The following PPARG variants were observed in gnomAD, a reference collection of about 807,000 sequenced individuals.
The protein encoded by PPARG is peroxisome proliferator activated receptor gamma, also known as peroxisome proliferator-activated receptor gamma.
A neutral mutation model predicts 39.2 loss-of-function variants in PPARG; 17 were observed. The observed-to-expected ratio is 0.43, with a 90% CI of 0.30 to 0.65. The LOEUF is 0.65. Ranked by LOEUF, PPARG falls within the 30% of genes least tolerant of loss-of-function variation. The pLI, the probability that PPARG is intolerant of heterozygous loss-of-function variation, is 0.13. For synonymous variants in PPARG, 223 were observed against 215.7 expected (o/e 1.03, Z -0.30); for missense variants, 406 against 585.9 (o/e 0.69, Z 3.17).
In PPARG at chr3:12,388,052, A is replaced by C. The variant is rs537558832; in HGVS notation, c.391-4562A>C. ...GTCTTTAAAAAGCAAGAATCAAAAGAGAAGTCAAGGAATATCATAAAATAT... is the reference window on the plus strand; with the variant it reads ...GTCTTTAAAAAGCAAGAATCAAAAGCGAAGTCAAGGAATATCATAAAATAT... On this transcript the variant is annotated intron_variant, in intron 4 of 7. Coordinates refer to ENST00000651735, the MANE Select transcript of PPARG (RefSeq NM_138711.6). 2.0e-5 allele frequency among the ~76,000 whole-genome samples: 3 copies of C among 152,346 alleles called. No homozygotes were observed. In the South Asian group the frequency reaches 6.2e-4, roughly 32 times the overall value.
Position 12,324,661 on chromosome 3 carries a change from ATCTTT to A in PPARG, c.-9+12211_-9+12215del, listed in dbSNP as rs571624826. Among the ~76,000 whole-genome samples the A allele has an allele frequency of 2.8e-3, 424 of 152,272 alleles. 3 individuals carry two copies. Among genetic ancestry groups the A allele is most frequent in the African/African-American group, 9.4e-3 (392 of 41,536 alleles). ...AGCATTCTGGAATGGAGCAGCCTTG[ATCTTT>A]TCACAGATACGTCAACCATATAGCT... On this transcript the variant is annotated intron_variant, in intron 2 of 7. Coordinates refer to ENST00000651735, the MANE Select transcript of PPARG (RefSeq NM_138711.6).
chr3:12,431,140 C>T (rs2051646642), intron 7 of PPARG, among the ~76,000 whole-genome samples: 1 of 151,848 alleles, frequency 6.6e-6, no homozygotes, highest in South Asian at 2.1e-4. Context: ...ATGAGCCTGA[C>T]TGAGAAAACC....
At chr3:12,420,365 G>A (rs1170070530) in intron 7 of PPARG, among the ~76,000 whole-genome samples, 1 of 152,214 alleles carries the variant, frequency 6.6e-6, no homozygotes, top group African/African-American at 2.4e-5. Flanking sequence ...TTTCCATTCA[G>A]CTAAGCAGGA....
At chr3:12,358,840 A>G (rs2048746936) in intron 2 of PPARG, among the ~76,000 whole-genome samples, 1 of 152,250 alleles carries the variant, frequency 6.6e-6, no homozygotes, top group African/African-American at 2.4e-5. Flanking sequence ...TGCCATATAC[A>G]AAATCTCATC....
chr3:12,408,266 T>C (rs2050743555), intron 6 of PPARG, among the ~76,000 whole-genome samples: 3 of 152,216 alleles, frequency 2.0e-5, no homozygotes, highest in Non-Finnish European at 2.9e-5. Context: ...TCCCAACATA[T>C]TCACAATTGG....
intron 1 of PPARG, among the ~76,000 whole-genome samples, chr3:12,297,041 C>CT (rs1347834092): frequency 6.6e-6 from 1 of 152,104 alleles, no homozygotes; most frequent in Non-Finnish European, 1.5e-5. Context: ...TGTTTTGTAA[C>CT]TTTTGGGACT....
intron 5 of PPARG, among the ~76,000 whole-genome samples, chr3:12,394,416 A>G (rs1304742000): frequency 6.6e-6 from 1 of 152,210 alleles, no homozygotes; most frequent in East Asian, 1.9e-4. Context: ...GGCAAATATT[A>G]TTTAAACCCC....
intron 2 of PPARG, among the ~76,000 whole-genome samples, chr3:12,318,621 CA>C: frequency 6.6e-6 from 1 of 152,122 alleles, no homozygotes; most frequent in Non-Finnish European, 1.5e-5. Context: ...TTTTTATTCT[CA>C]ACTTTCTGTT....
intron 4 of PPARG, among the ~76,000 whole-genome samples, chr3:12,390,636 C>CTT (rs1382187854): frequency 0.051 from 3,516 of 68,454 alleles, 159 homozygotes; most frequent in East Asian, 0.34. Context: ...GTATTTTCTT[C>CTT]CTTTTTTTTT....
intron 2 of PPARG, among the ~76,000 whole-genome samples, chr3:12,356,873 G>T (rs907492793): frequency 2.0e-5 from 3 of 152,120 alleles, no homozygotes; most frequent in Non-Finnish European, 4.4e-5. Context: ...GTCTTGAAAT[G>T]CCTTTCCTAA....
intron 1 of PPARG, among the ~76,000 whole-genome samples, chr3:12,295,116 A>T (rs1384369907): frequency 1.3e-5 from 2 of 152,136 alleles, no homozygotes; most frequent in African/African-American, 4.8e-5. Context: ...TTTTTTACAA[A>T]GTCTTGCTAA....
chr3:12,433,761 A>G, intron 7 of PPARG, 137 bp from the exon 8 acceptor site: 2 of 1,210,236 alleles, frequency 1.7e-6, no homozygotes, highest in African/African-American at 1.5e-5. Context: ...CTTCCTCCCC[A>G]CCTATTTAAG....
In PPARG at chr3:12,381,417, G is replaced by A. The variant is rs1256582642; in HGVS notation, c.316G>A (p.Ala106Thr). The stretch of plus-strand genomic sequence containing the variant: ...TGAAGAGCCTTCCAACTCCCTCATG[G>A]CAATTGAATGTCGTGTCTGTGGAGA... ...PHEEPSNSLM[A>T]IECRVCGDKA... Residue 106 changes from alanine (A) to threonine (T), a missense_variant, in exon 4 of 8, where the codon GCA (alanine) becomes ACA (threonine). By Grantham distance (58) the Ala-to-Thr change is moderately conservative. Coordinates refer to ENST00000651735, the MANE Select transcript of PPARG (RefSeq NM_138711.6). 1.2e-6 allele frequency: 2 copies of A among 1,613,486 alleles called. No homozygotes were observed. The highest frequency in any genetic ancestry group is 2.2e-5 in the South Asian group (2 of 91,038).
At chr3:12,331,528 A>G (rs2047859128) in intron 2 of PPARG, among the ~76,000 whole-genome samples, 1 of 151,334 alleles carries the variant, frequency 6.6e-6, no homozygotes, top group Non-Finnish European at 1.5e-5. Flanking sequence ...GAGTTTAAAC[A>G]GGGGAGTGAC....
rs73136795 is a variant in PPARG at position 12,426,911 on chromosome 3, G to T, written c.1181-6987G>T. On this transcript the variant is annotated intron_variant, in intron 7 of 7. Coordinates refer to ENST00000651735, the MANE Select transcript of PPARG (RefSeq NM_138711.6). ...ATTCCAACTGCGTCTCACTCAGCTGGCAGTGTGCACCCTTGGCCACACATT... is the reference window on the plus strand; with the variant it reads ...ATTCCAACTGCGTCTCACTCAGCTGTCAGTGTGCACCCTTGGCCACACATT... Among the ~76,000 whole-genome samples the T allele has an allele frequency of 1.9e-3, 286 of 152,242 alleles. 2 individuals are homozygous for T. The highest frequency in any genetic ancestry group is 2.1e-3 in the Non-Finnish European group (140 of 68,020).
intron 2 of PPARG, among the ~76,000 whole-genome samples, chr3:12,337,785 A>G (rs1396160200): frequency 6.6e-6 from 1 of 152,246 alleles, no homozygotes; most frequent in Non-Finnish European, 1.5e-5. Flanking sequence ...AAAAATAGCA[A>G]TACAATAATT....
chr3:12,409,417 G>C (rs1428312147), intron 6 of PPARG, among the ~76,000 whole-genome samples: 1 of 71,790 alleles, frequency 1.4e-5, no homozygotes, highest in Non-Finnish European at 3.8e-5. Flanking sequence ...ATATGGGAAA[G>C]GAAAAAAAAA....
intron 6 of PPARG, among the ~76,000 whole-genome samples, chr3:12,410,497 CT>C (rs1308570771): frequency 6.6e-6 from 1 of 152,192 alleles, no homozygotes; most frequent in Admixed American, 6.5e-5. Context: ...CTTTTCACCC[CT>C]ATCTAAGAGA....
At chr3:12,392,562 C>T in intron 4 of PPARG, 52 bp from the exon 5 acceptor site, 3 of 1,605,456 alleles carry the variant, frequency 1.9e-6, no homozygotes, top group Non-Finnish European at 2.6e-6. Context: ...TAGGTTGCTG[C>T]TTCCATGTGT....
Sources: allele counts gnomAD v4.1 joint callset (sites outside exome capture counted in the v4.1 genomes callset), GRCh38; gene constraint gnomAD v4.1.1; transcripts MANE v1.5; gene names NCBI Gene and HGNC (gene_info 2026-07-23, HGNC 2026-07-21).